PARD3B: variants seen among roughly 807,000 people sequenced by gnomAD.
PARD3B encodes the protein partitioning defective 3 homolog B.
In PARD3B, 103 loss-of-function variants were observed where a neutral mutation model predicts 130.2. The observed-to-expected ratio is 0.79, with a 90% CI of 0.67 to 0.93. The LOEUF (loss-of-function observed/expected upper bound fraction) is 0.93. PARD3B is among the 40% of genes least tolerant of loss of function. The probability of loss-of-function intolerance (pLI) is 0.00; values close to 1 mark genes in which losing one functional copy is unlikely to be tolerated. For missense variants in PARD3B, 1,609 were observed against 1,499.2 expected (o/e 1.07, Z -1.21); for synonymous variants, 583 against 553.2 (o/e 1.05, Z -0.76).
intron 2 of PARD3B, among the ~76,000 whole-genome samples, chr2:204,722,244 A>G (rs1359186795): frequency 6.6e-6 from 1 of 152,184 alleles, no homozygotes; most frequent in Non-Finnish European, 1.5e-5. Flanking sequence ...TTGTTAGAAA[A>G]TTACCTCTTC....
At chr2:204,645,896 T>C (rs1416916572) in intron 1 of PARD3B, among the ~76,000 whole-genome samples, 1 of 152,100 alleles carries the variant, frequency 6.6e-6, no homozygotes, top group Non-Finnish European at 1.5e-5. Context: ...TTTTCATGGC[T>C]TACTCAATGA....
At chr2:204,639,869 G>A (rs2035012804) in intron 1 of PARD3B, among the ~76,000 whole-genome samples, 1 of 152,158 alleles carries the variant, frequency 6.6e-6, no homozygotes, top group Admixed American at 6.5e-5. Context: ...TATTCCCTGA[G>A]TGGTGCATGT....
At chr2:204,745,362 G>A (rs910288193) in intron 2 of PARD3B, among the ~76,000 whole-genome samples, 4 of 151,782 alleles carry the variant, frequency 2.6e-5, no homozygotes, top group Middle Eastern at 3.4e-3. Context: ...TTTTGCATAC[G>A]TTACTTCCAA....
intron 21 of PARD3B, among the ~76,000 whole-genome samples, chr2:205,504,544 C>G (rs536266431): frequency 3.3e-5 from 5 of 152,070 alleles, no homozygotes; most frequent in Non-Finnish European, 7.4e-5. Flanking sequence ...AACACATTTA[C>G]AAGAAAAAAA....
chr2:205,200,270 T>C (rs1334342396), intron 15 of PARD3B, among the ~76,000 whole-genome samples: 2 of 152,212 alleles, frequency 1.3e-5, no homozygotes, highest in Admixed American at 6.5e-5. Context: ...GACATCTTTA[T>C]TGTGTTCTGA....
intron 1 of PARD3B, among the ~76,000 whole-genome samples, chr2:204,577,042 G>GA (rs1193336767): frequency 6.6e-6 from 1 of 152,050 alleles, no homozygotes; most frequent in African/African-American, 2.4e-5. Flanking sequence ...CTTGGGGGGG[G>GA]ATGGGATAGT....
At chr2:205,356,748 G>A (rs1432129783) in intron 18 of PARD3B, among the ~76,000 whole-genome samples, 8 of 151,878 alleles carry the variant, frequency 5.3e-5, no homozygotes, top group African/African-American at 1.7e-4. Context: ...AAAATTAGTC[G>A]GGTGTGGTAG....
chr2:205,543,770 C>T (rs1005769912), intron 21 of PARD3B, among the ~76,000 whole-genome samples: 2 of 152,176 alleles, frequency 1.3e-5, no homozygotes, highest in African/African-American at 4.8e-5. Flanking sequence ...AGAGTCCTTT[C>T]TTTTGGTAAT....
chr2:204,914,081 T>G (rs963352938), intron 2 of PARD3B, among the ~76,000 whole-genome samples: 6 of 152,108 alleles, frequency 3.9e-5, no homozygotes, highest in South Asian at 4.1e-4. Flanking sequence ...GCCTGCACGC[T>G]GGGAGGAGTG....
intron 19 of PARD3B, among the ~76,000 whole-genome samples, chr2:205,410,948 G>T (rs1373421271): frequency 6.6e-6 from 1 of 152,110 alleles, no homozygotes; most frequent in African/African-American, 2.4e-5. Context: ...ACTAACCTAG[G>T]CCTGTGATTT....
intron 2 of PARD3B, among the ~76,000 whole-genome samples, chr2:204,829,721 C>T (rs1049395986): frequency 1.6e-4 from 24 of 152,162 alleles, no homozygotes; most frequent in African/African-American, 2.9e-4. Flanking sequence ...TAGCACTGGC[C>T]GGGCGCGGTG....
At chr2:205,517,582 A>C (rs2050845877) in intron 21 of PARD3B, among the ~76,000 whole-genome samples, 2 of 151,942 alleles carry the variant, frequency 1.3e-5, no homozygotes, top group Admixed American at 6.6e-5. Flanking sequence ...AATTTCCTTC[A>C]TGTCAGCTCT....
intron 18 of PARD3B, among the ~76,000 whole-genome samples, chr2:205,389,316 A>T (rs2045768165): frequency 2.0e-5 from 3 of 152,138 alleles, no homozygotes; most frequent in Admixed American, 2.0e-4. Flanking sequence ...CTTCAAAAGA[A>T]CTCTTCTATG....
chr2:205,020,917 T>C (rs116723643), intron 3 of PARD3B, among the ~76,000 whole-genome samples: 2,375 of 151,706 alleles, frequency 0.016, 60 homozygotes, highest in African/African-American at 0.054. Context: ...CAGATGGGAG[T>C]CTTCAGCCTG....
At position 205,038,938 on chromosome 2, in the gene PARD3B, A is replaced by G. The variant is rs115141238; in HGVS notation, c.395-8643A>G. On this transcript the variant is annotated intron_variant, in intron 3 of 22. Coordinates refer to ENST00000406610, the MANE Select transcript of PARD3B (RefSeq NM_001302769.2). The stretch of plus-strand genomic sequence containing the variant: ...TTCCTTAGTGTGGTTTTCGCATCAC[A>G]GTATCTGAAAGCATGTCCTAGCTGC... 3.6e-3 allele frequency among the ~76,000 whole-genome samples: 555 copies of G among 152,292 alleles called. 4 individuals carry two copies. The highest frequency in any genetic ancestry group is 0.012 in the African/African-American group (513 of 41,570).
At position 205,223,044 on chromosome 2, in the gene PARD3B, G is replaced by A. The variant is rs1053817687; in HGVS notation, c.2141-22734G>A. Among the ~76,000 whole-genome samples, 8 of 152,216 alleles carry A rather than the reference G, an allele frequency of 5.3e-5. No individual in the cohort carries two copies. The South Asian group carries it at 1.5e-3, about 28-fold the overall frequency. ...TGCTAAAGTGTTCTGAGGCAGGATC[G>A]GGAGCAGAGATGGAGAGAATATTCT... is the stretch of plus-strand genomic sequence containing the variant. On this transcript the variant is annotated intron_variant, in intron 15 of 22. Transcript: ENST00000406610.
At chr2:205,240,413 C>A (rs2039300288) in intron 15 of PARD3B, among the ~76,000 whole-genome samples, 1 of 152,004 alleles carries the variant, frequency 6.6e-6, no homozygotes, top group Admixed American at 6.6e-5. Flanking sequence ...AAATTGCAGT[C>A]TCTATTATTT....
intron 3 of PARD3B, among the ~76,000 whole-genome samples, chr2:204,994,997 T>C (rs1375830324): frequency 1.3e-5 from 2 of 151,396 alleles, no homozygotes; most frequent in East Asian, 3.9e-4. Flanking sequence ...ATGGGTTTCC[T>C]GAATACAGCA....
intron 2 of PARD3B, among the ~76,000 whole-genome samples, chr2:204,934,519 CA>C (rs1292601329): frequency 2.0e-5 from 3 of 152,164 alleles, no homozygotes; most frequent in African/African-American, 7.2e-5. Flanking sequence ...CAATTACACT[CA>C]GTGACGTGTC....
Sources: gnomAD v4.1 joint callset for allele counts (sites outside exome capture counted in the v4.1 genomes callset) on GRCh38, gnomAD v4.1.1 for gene constraint, MANE v1.5 for transcripts, NCBI Gene and HGNC (gene_info 2026-07-23, HGNC 2026-07-21) for gene names.